Variants in GRIK2 observed in about 807,000 individuals in gnomAD.
GRIK2 encodes the protein glutamate receptor ionotropic, kainate 2.
Under a neutral mutation model 100.3 loss-of-function variants are expected in GRIK2, and 32 were observed. That is an observed-to-expected ratio of 0.32 (90% confidence interval 0.24 to 0.43). The LOEUF is 0.43. GRIK2 is among the 20% of genes least tolerant of loss of function. The pLI, the probability that GRIK2 is intolerant of heterozygous loss-of-function variation, is 1.00. For missense variants in GRIK2, 843 were observed against 1,114.9 expected (o/e 0.76, Z 3.47); for synonymous variants, 417 against 389.4 (o/e 1.07, Z -0.83).
chr6:101,507,581 AT>A (rs1396795198), intron 2 of GRIK2, among the ~76,000 whole-genome samples: 1 of 152,202 alleles, frequency 6.6e-6, no homozygotes, highest in African/African-American at 2.4e-5. Flanking sequence ...GTGGACATAC[AT>A]TTGAATAGAT....
intron 2 of GRIK2, among the ~76,000 whole-genome samples, chr6:101,471,082 A>C (rs1771923543): frequency 6.6e-6 from 1 of 152,094 alleles, no homozygotes; most frequent in African/African-American, 2.4e-5. Context: ...TTTTTCTCTT[A>C]ATGTGTAACT....
intron 2 of GRIK2, among the ~76,000 whole-genome samples, chr6:101,426,958 A>G (rs879172456): frequency 1.3e-5 from 2 of 152,186 alleles, no homozygotes; most frequent in African/African-American, 4.8e-5. Context: ...TAAGGGTGAT[A>G]TATAATATGC....
intron 4 of GRIK2, among the ~76,000 whole-genome samples, chr6:101,672,069 T>G (rs182199134): frequency 2.2e-3 from 342 of 152,192 alleles, no homozygotes; most frequent in Non-Finnish European, 2.7e-3. Flanking sequence ...ACAAGGGTAT[T>G]AGATATGGCT....
intron 14 of GRIK2, among the ~76,000 whole-genome samples, chr6:101,930,162 C>A (rs1790168464): frequency 6.6e-6 from 1 of 151,780 alleles, no homozygotes; most frequent in African/African-American, 2.4e-5. Context: ...CATAACATGG[C>A]AAAATTCTGT....
rs181606375 is a variant in GRIK2 at position 101,592,071 on chromosome 6, A to G, written c.116-29878A>G. On this transcript the variant is annotated intron_variant, in intron 2 of 16. Coordinates refer to ENST00000369134, the MANE Select transcript of GRIK2 (RefSeq NM_021956.5). ...GGGGTCTCCCCTCAATCTCTTTCCT[A>G]CTCCCTCTTTGCCTTCTGCCATGAT... is the stretch of plus-strand genomic sequence containing the variant. 2.6e-3 allele frequency among the ~76,000 whole-genome samples: 390 copies of G among 151,640 alleles called. 2 individuals carry two copies. Among genetic ancestry groups the G allele is most frequent in the African/African-American group, 9.2e-3 (381 of 41,356 alleles).
intron 7 of GRIK2, among the ~76,000 whole-genome samples, chr6:101,691,294 CT>C (rs1772073976): frequency 2.0e-5 from 3 of 150,132 alleles, no homozygotes; most frequent in South Asian, 2.1e-4. Context: ...CTTAGAAATA[CT>C]TTTTTTTCTT....
chr6:102,067,491 C>T (rs1035554020), intron 16 of GRIK2, among the ~76,000 whole-genome samples: 1 of 151,608 alleles, frequency 6.6e-6, no homozygotes, highest in Non-Finnish European at 1.5e-5. Flanking sequence ...GTATCTCAAT[C>T]AGTTGGGGAG....
At chr6:101,842,060 T>G (rs1420550793) in intron 10 of GRIK2, among the ~76,000 whole-genome samples, 1 of 152,158 alleles carries the variant, frequency 6.6e-6, no homozygotes, top group East Asian at 1.9e-4. Context: ...CTATTAGAGA[T>G]AAAAATTTAT....
intron 10 of GRIK2, among the ~76,000 whole-genome samples, chr6:101,847,433 G>T (rs200980711): frequency 6.6e-6 from 1 of 151,890 alleles, no homozygotes. Flanking sequence ...ACTGGTTATT[G>T]TAGTTCTTTG....
At chr6:101,523,019 GTTGAT>G (rs1464170637) in intron 2 of GRIK2, among the ~76,000 whole-genome samples, 1 of 151,904 alleles carries the variant, frequency 6.6e-6, no homozygotes, top group African/African-American at 2.4e-5. Context: ...TTGGATTTAT[GTTGAT>G]TTCTTTTGGA....
intron 14 of GRIK2, among the ~76,000 whole-genome samples, chr6:101,992,621 T>C (rs938957916): frequency 6.6e-6 from 1 of 151,612 alleles, no homozygotes; most frequent in African/African-American, 2.4e-5. Context: ...TTCAGACAGA[T>C]TGAATTTTTT....
chr6:101,988,047 G>A (rs1427197900), intron 14 of GRIK2, among the ~76,000 whole-genome samples: 2 of 150,044 alleles, frequency 1.3e-5, no homozygotes, highest in African/African-American at 2.4e-5. Flanking sequence ...AAATAACTCA[G>A]TACTGTGAGA....
intron 14 of GRIK2, among the ~76,000 whole-genome samples, chr6:101,953,679 G>A (rs1405134283): frequency 5.9e-5 from 9 of 152,018 alleles, no homozygotes; most frequent in Admixed American, 3.9e-4. Flanking sequence ...AATATGATTT[G>A]CAAAAGTTAT....
intron 7 of GRIK2, among the ~76,000 whole-genome samples, chr6:101,756,447 T>TACATTTA: frequency 1.3e-5 from 2 of 149,088 alleles, no homozygotes; most frequent in East Asian, 1.9e-4. Context: ...ATTTATAATC[T>TACATTTA]GAAAATAATC....
rs962487095 is a variant in GRIK2 at position 101,574,394 on chromosome 6, CTT to C, written c.116-47553_116-47552del. On this transcript the variant is annotated intron_variant, in intron 2 of 16. Coordinates refer to ENST00000369134, the MANE Select transcript of GRIK2 (RefSeq NM_021956.5). ...TAAATATATAAAGTGTATATATACA[CTT>C]TAGCAGCTTATTTATACAACAGTTA... 8.1e-5 allele frequency among the ~76,000 whole-genome samples: 12 copies of C among 147,806 alleles called. 1 individual carries two copies. The highest frequency in any genetic ancestry group is 7.4e-4 in the Admixed American group (11 of 14,780).
intron 12 of GRIK2, among the ~76,000 whole-genome samples, chr6:101,898,557 C>T (rs1787631088): frequency 6.6e-6 from 1 of 151,884 alleles, no homozygotes; most frequent in Non-Finnish European, 1.5e-5. Context: ...TGAAAACTTT[C>T]CAATCAACTG....
At chr6:101,525,365 T>C (rs753620201) in intron 2 of GRIK2, among the ~76,000 whole-genome samples, 1 of 152,186 alleles carries the variant, frequency 6.6e-6, no homozygotes, top group Non-Finnish European at 1.5e-5. Flanking sequence ...AAGACAGCTA[T>C]GTGAGTTACG....
At chr6:101,681,284 G>C (rs1329756243) in intron 5 of GRIK2, among the ~76,000 whole-genome samples, 1 of 152,002 alleles carries the variant, frequency 6.6e-6, no homozygotes. Flanking sequence ...TTTTGTAATG[G>C]GGTGTTGCTC....
chr6:102,027,354 AAACTTTTATTTATAAATGTCTGTTT>A (rs1769758364), intron 14 of GRIK2, among the ~76,000 whole-genome samples: 1 of 151,188 alleles, frequency 6.6e-6, no homozygotes. Context: ...TTAGGAGGTA[AAACTTTTATTTATAAATGTCTGTTT>A]ATTAATTCAA....
Sources: allele counts gnomAD v4.1 joint callset (sites outside exome capture counted in the v4.1 genomes callset), GRCh38; gene constraint gnomAD v4.1.1; transcripts MANE v1.5; gene names NCBI Gene and HGNC (gene_info 2026-07-23, HGNC 2026-07-21).